The following RERG variants were observed in gnomAD, a reference collection of about 807,000 sequenced individuals.
The protein encoded by RERG is RAS like estrogen regulated growth inhibitor.
RERG carries 25 observed loss-of-function variants against 23.2 expected under a neutral mutation model. The observed-to-expected ratio is 1.08, with a 90% CI of 0.79 to 1.50. RERG has a LOEUF of 1.50. Among genes scored for constraint, RERG ranks in the 40% most tolerant of loss-of-function variants. RERG has a pLI of 0.00. For missense variants in RERG, 253 were observed against 250.1 expected (o/e 1.01, Z -0.08); for synonymous variants, 81 against 89.1 (o/e 0.91, Z 0.51).
intron 2 of RERG, chr12:15,155,057 T>G (rs1864502132): frequency 6.6e-6 from 1 of 152,016 alleles, no homozygotes; most frequent in Non-Finnish European, 1.5e-5. Flanking sequence ...GATAAGAAAC[T>G]CAGCTAAGAG....
At chr12:15,131,331 T>C (rs1260585906) in intron 2 of RERG, among the ~76,000 whole-genome samples, 3 of 150,898 alleles carry the variant, frequency 2.0e-5, no homozygotes, top group Non-Finnish European at 4.4e-5. Context: ...TAAAAGTGAT[T>C]GTTAATAAAT....
chr12:15,212,092 G>A (rs1282509770), intron 2 of RERG, among the ~76,000 whole-genome samples: 4 of 115,460 alleles, frequency 3.5e-5, no homozygotes, highest in African/African-American at 9.9e-5. Flanking sequence ...TCGCTCTGTC[G>A]CCCAGGCCGG....
At chr12:15,161,910 TTAAG>T (rs1353387007) in intron 2 of RERG, among the ~76,000 whole-genome samples, 1 of 152,186 alleles carries the variant, frequency 6.6e-6, no homozygotes, top group African/African-American at 2.4e-5. Context: ...GGTTTAAAAA[TTAAG>T]TCTTATGAAG....
chr12:15,141,903 T>C (rs573761930), intron 2 of RERG, among the ~76,000 whole-genome samples: 9 of 152,344 alleles, frequency 5.9e-5, no homozygotes, highest in Admixed American at 3.3e-4. Context: ...CCATGTGTTA[T>C]ATATATTTCA....
chr12:15,202,560 G>A lies in RERG; in HGVS notation c.61+14869C>T, dbSNP rs772690490. ...AATCATGAAGTATTTGTCCTTCTGT[G>A]GCTGACTTATTTCACTTAGCATAAT... is the stretch of plus-strand genomic sequence containing the variant. On this transcript the variant is annotated intron_variant, in intron 2 of 4. Coordinates refer to ENST00000256953, the MANE Select transcript of RERG (RefSeq NM_032918.3). Among the ~76,000 whole-genome samples the A allele has an allele frequency of 2.5e-4, 38 of 151,798 alleles. 1 individual carries two copies. The highest frequency in any genetic ancestry group is 4.3e-4 in the Non-Finnish European group (29 of 67,734).
At chr12:15,117,454 TC>T (rs1863743107) in intron 3 of RERG, among the ~76,000 whole-genome samples, 1 of 152,170 alleles carries the variant, frequency 6.6e-6, no homozygotes, top group African/African-American at 2.4e-5. Flanking sequence ...GTATCTATTT[TC>T]GTATGAACGA....
rs190042060 is a variant in RERG, at chr12:15,157,924, T to C, written c.62-36805A>G. On this transcript the variant is annotated intron_variant, in intron 2 of 4. Transcript: ENST00000256953. ...TTTATCATTCACTCTCCCTTCTCTC[T>C]ATACATAAATATTTATGTATAAATA... Among the ~76,000 whole-genome samples, 985 of 152,246 alleles carry C rather than the reference T, an allele frequency of 6.5e-3. 6 individuals are homozygous for C. The highest frequency in any genetic ancestry group is 0.011 in the Admixed American group (175 of 15,286).
chr12:15,197,249 A>G (rs1865157518), intron 2 of RERG, among the ~76,000 whole-genome samples: 3 of 152,204 alleles, frequency 2.0e-5, no homozygotes, highest in African/African-American at 7.2e-5. Context: ...TTATAAAACT[A>G]TTATAGTTAG....
intron 2 of RERG, among the ~76,000 whole-genome samples, chr12:15,215,536 T>C (rs982916469): frequency 2.6e-5 from 4 of 152,122 alleles, no homozygotes; most frequent in African/African-American, 9.7e-5. Flanking sequence ...GATCATTAGA[T>C]GTGTTGGTCA....
intron 2 of RERG, among the ~76,000 whole-genome samples, chr12:15,167,569 T>C (rs1864713870): frequency 6.6e-6 from 1 of 152,206 alleles, no homozygotes; most frequent in Non-Finnish European, 1.5e-5. Context: ...GAAACCATCA[T>C]ATATTCTGGT....
At position 15,180,307 on chromosome 12, in the gene RERG, A is replaced by T. The variant is rs116432121; in HGVS notation, c.61+37122T>A. Among the ~76,000 whole-genome samples the T allele has an allele frequency of 5.7e-3, 866 of 152,328 alleles. 5 individuals carry two copies. Among genetic ancestry groups the T allele is most frequent in the Non-Finnish European group, 9.5e-3 (648 of 68,028 alleles). ...AGGCTGAAGTGAGCTGACAAGCCAC[A>T]TCCACTATGTGCCTGGGGGTCCCTG... is the stretch of plus-strand genomic sequence containing the variant. On this transcript the variant is annotated intron_variant, in intron 2 of 4. Transcript: ENST00000256953.
intron 2 of RERG, among the ~76,000 whole-genome samples, chr12:15,134,622 A>G (rs1179837727): frequency 6.6e-6 from 1 of 151,644 alleles, no homozygotes; most frequent in Non-Finnish European, 1.5e-5. Flanking sequence ...TTCTTTTATT[A>G]TATATATTTT....
chr12:15,124,434 T>C (rs577744533), intron 2 of RERG, among the ~76,000 whole-genome samples: 155 of 152,222 alleles, frequency 1.0e-3, no homozygotes, highest in African/African-American at 3.5e-3. Context: ...CACATGCTAT[T>C]CCTTATTTAA....
chr12:15,133,146 G>GAT (rs376565973), intron 2 of RERG, among the ~76,000 whole-genome samples: 28,604 of 124,760 alleles, frequency 0.23, 3,177 homozygotes, highest in Non-Finnish European at 0.26. Context: ...ATCCTGTGGA[G>GAT]ATATATATAT....
intron 3 of RERG, among the ~76,000 whole-genome samples, chr12:15,111,973 G>T (rs1355650932): frequency 6.6e-6 from 1 of 152,114 alleles, no homozygotes; most frequent in African/African-American, 2.4e-5. Flanking sequence ...ACCGTGCCTG[G>T]CCCTATCCTT....
intron 2 of RERG, among the ~76,000 whole-genome samples, chr12:15,126,577 G>T (rs531008773): frequency 6.6e-6 from 1 of 152,028 alleles, no homozygotes; most frequent in African/African-American, 2.4e-5. Context: ...TTAGCATAGC[G>T]CCCTTAAAAG....
chr12:15,214,562 T>C (rs1156905648), intron 2 of RERG, among the ~76,000 whole-genome samples: 1 of 152,198 alleles, frequency 6.6e-6, no homozygotes, highest in Non-Finnish European at 1.5e-5. Flanking sequence ...CCTATAAGAC[T>C]GATAAAGTCT....
chr12:15,115,946 GATT>G (rs1863712777), intron 3 of RERG, among the ~76,000 whole-genome samples: 1 of 152,022 alleles, frequency 6.6e-6, no homozygotes, highest in Non-Finnish European at 1.5e-5. Context: ...TTAAAAATTA[GATT>G]ATGTTCAATA....
chr12:15,124,320 T>C (rs997203891), intron 2 of RERG, among the ~76,000 whole-genome samples: 74 of 152,082 alleles, frequency 4.9e-4, no homozygotes, highest in African/African-American at 1.7e-3. Context: ...GTGCCAGATT[T>C]AGTTTCAGAA....
Sources: allele counts gnomAD v4.1 joint callset (sites outside exome capture counted in the v4.1 genomes callset), GRCh38; gene constraint gnomAD v4.1.1; transcripts MANE v1.5; gene names NCBI Gene and HGNC (gene_info 2026-07-23, HGNC 2026-07-21).